Variants in ANO3 observed in about 807,000 individuals in gnomAD.
ANO3 encodes the protein anoctamin-3.
Under a neutral mutation model 144.8 loss-of-function variants are expected in ANO3, and 99 were observed. That is an observed-to-expected ratio of 0.68 (90% CI 0.58 to 0.81). The LOEUF (loss-of-function observed/expected upper bound fraction) is 0.81. Ranked by LOEUF, ANO3 falls within the 30% of genes least tolerant of loss-of-function variation. The probability of loss-of-function intolerance (pLI) is 0.00; values close to 1 mark genes in which losing one functional copy is unlikely to be tolerated. For synonymous variants in ANO3, 414 were observed against 392.6 expected (o/e 1.05, Z -0.64); for missense variants, 905 against 1,202.2 (o/e 0.75, Z 3.66).
Position 26,643,279 on chromosome 11 carries a change from A to T in ANO3, c.2373A>T (p.Ala791=), listed in dbSNP as rs141587028. The T allele has an allele frequency of 3.0e-4, 490 of 1,614,052 alleles. No homozygotes were observed. The highest frequency in any genetic ancestry group is 3.7e-4 in the Non-Finnish European group (442 of 1,180,032). The change falls in exon 23 of 27, where the codon GCA becomes GCT. Residue 791 remains alanine, a synonymous_variant. Coordinates refer to ENST00000256737, the MANE Select transcript of ANO3 (RefSeq NM_031418.4). ...LNNIIEIRLD[A]YKFVTQWRRP... is the part of the protein sequence containing the mutation. ...ATATCATTGAAATCAGGCTGGATGC[A>T]TACAAATTTGTCACTCAATGGCGGA...
At chr11:26,281,495 G>T (rs1285189528) in intron 1 of ANO3, among the ~76,000 whole-genome samples, 1 of 152,066 alleles carries the variant, frequency 6.6e-6, no homozygotes, top group Non-Finnish European at 1.5e-5. Context: ...TGAGGGAGAG[G>T]TTCTTCTTCA....
chr11:26,306,805 T>C (rs1422367940), upstream of ANO3, among the ~76,000 whole-genome samples: 1 of 152,258 alleles, frequency 6.6e-6, no homozygotes, highest in Non-Finnish European at 1.5e-5. Flanking sequence ...GTGTGAGGTC[T>C]CCTAAGTATG....
chr11:26,589,955 A>G (rs1360728023), intron 14 of ANO3, among the ~76,000 whole-genome samples: 1 of 152,220 alleles, frequency 6.6e-6, no homozygotes, highest in Non-Finnish European at 1.5e-5. Flanking sequence ...AGTTTTCACC[A>G]CACACAGAAC....
chr11:26,294,124 C>A (rs756137037), intron 1 of ANO3, among the ~76,000 whole-genome samples: 2 of 152,078 alleles, frequency 1.3e-5, no homozygotes, highest in African/African-American at 4.8e-5. Context: ...AAATAAAATA[C>A]GTTTAAAGGA....
At chr11:26,261,728 G>C (rs1049602458) in intron 1 of ANO3, among the ~76,000 whole-genome samples, 1 of 152,164 alleles carries the variant, frequency 6.6e-6, no homozygotes, top group African/African-American at 2.4e-5. Flanking sequence ...AATAGACTTT[G>C]CCAATTTGAA....
intron 6 of ANO3, among the ~76,000 whole-genome samples, chr11:26,519,467 A>G (rs117717376): frequency 6.6e-6 from 1 of 152,112 alleles, no homozygotes; most frequent in African/African-American, 2.4e-5. Context: ...CAGTGTCTTG[A>G]TTGGTTTGGG....
chr11:26,536,282 G>T (rs1338845911), intron 9 of ANO3, among the ~76,000 whole-genome samples: 1 of 149,608 alleles, frequency 6.7e-6, no homozygotes, highest in Non-Finnish European at 1.5e-5. Flanking sequence ...TCATGCCACT[G>T]CACTCCAGCC....
At chr11:26,190,065 A>G (rs1394329044) in intron 1 of ANO3, among the ~76,000 whole-genome samples, 2 of 152,178 alleles carry the variant, frequency 1.3e-5, no homozygotes, top group African/African-American at 2.4e-5. Context: ...GATATTTTAA[A>G]TGTTGTACTA....
intron 1 of ANO3, among the ~76,000 whole-genome samples, chr11:26,286,828 A>G (rs918987221): frequency 2.6e-5 from 4 of 152,208 alleles, no homozygotes; most frequent in African/African-American, 9.6e-5. Context: ...TTGGAATGTT[A>G]AAACAAACAG....
At chr11:26,458,457 A>G (rs1859250153) in intron 3 of ANO3, among the ~76,000 whole-genome samples, 2 of 152,110 alleles carry the variant, frequency 1.3e-5, no homozygotes, top group Admixed American at 1.3e-4. Context: ...TAGGTAACAC[A>G]ATTTACATTT....
chr11:26,369,353 A>G (rs758842200), intron 1 of ANO3, among the ~76,000 whole-genome samples: 3 of 152,118 alleles, frequency 2.0e-5, no homozygotes, highest in African/African-American at 4.8e-5. Context: ...GATATTTTCT[A>G]ATTTTCAGTG....
rs1849341053 is a variant in ANO3, at chr11:26,530,508, CT to C, written c.738-696del. Among the ~76,000 whole-genome samples the C allele has an allele frequency of 1.1e-4, 15 of 133,508 alleles. No individual in the cohort carries two copies. The South Asian group carries it at 3.2e-3, about 29-fold the overall frequency. The allele number at this position is 133,508 out of a possible 152,430, so 87.6% of individuals were successfully genotyped here. A position where few individuals can be genotyped will look rare whatever the true frequency, so the allele number is the denominator to read the frequency against. On this transcript the variant is annotated intron_variant, in intron 7 of 26. Coordinates refer to ENST00000256737, the MANE Select transcript of ANO3 (RefSeq NM_031418.4). Reference sequence around the variant, plus strand: ...ATCTATCTATCTATCTATCATCTATCTATCTACATGTATACACACACCATTT... The same window carrying C: ...ATCTATCTATCTATCTATCATCTATCATCTACATGTATACACACACCATTT...
At chr11:26,406,958 A>T (rs1020032388) in intron 1 of ANO3, among the ~76,000 whole-genome samples, 5 of 146,562 alleles carry the variant, frequency 3.4e-5, no homozygotes, top group African/African-American at 1.2e-4. Context: ...ATATACATAT[A>T]TATATACACA....
chr11:26,330,697 A>G (rs985931223), upstream of ANO3, among the ~76,000 whole-genome samples: 4 of 152,204 alleles, frequency 2.6e-5, no homozygotes, highest in Admixed American at 2.6e-4. Flanking sequence ...TTTAGTTTAC[A>G]GCTTAGTTTC....
At chr11:26,314,123 C>A (rs1854568263) in intron 1 of ANO3, among the ~76,000 whole-genome samples, 1 of 152,020 alleles carries the variant, frequency 6.6e-6, no homozygotes, top group Non-Finnish European at 1.5e-5. Flanking sequence ...AGAGAGTAGC[C>A]TTTATACCAG....
Position 26,489,254 on chromosome 11 carries a change from G to A in ANO3, c.433-18850G>A, listed in dbSNP as rs556168563. On this transcript the variant is annotated intron_variant, in intron 4 of 26. Coordinates refer to ENST00000256737, the MANE Select transcript of ANO3 (RefSeq NM_031418.4). ...AGCTCAGACTGTGACTTCAGACAGT[G>A]GAAGCCTCAAGCCTTGGCAGCTTCC... Among the ~76,000 whole-genome samples, 498 of 152,296 alleles carry A rather than the reference G, an allele frequency of 3.3e-3. 3 individuals carry two copies. Among genetic ancestry groups the A allele is most frequent in the African/African-American group, 0.011 (470 of 41,560 alleles).
At chr11:26,471,695 C>T (rs1859789558) in intron 4 of ANO3, among the ~76,000 whole-genome samples, 1 of 151,732 alleles carries the variant, frequency 6.6e-6, no homozygotes, top group Non-Finnish European at 1.5e-5. Flanking sequence ...AGACGATTTA[C>T]CTGAGAGAAT....
chr11:26,324,539 C>G (rs1564965126), intron 1 of ANO3, among the ~76,000 whole-genome samples: 1 of 152,168 alleles, frequency 6.6e-6, no homozygotes, highest in African/African-American at 2.4e-5. Flanking sequence ...TAAAAATGAG[C>G]CCAAGCCAAA....
chr11:26,637,300 A>T (rs941230099), intron 20 of ANO3, among the ~76,000 whole-genome samples: 1 of 152,124 alleles, frequency 6.6e-6, no homozygotes, highest in African/African-American at 2.4e-5. Flanking sequence ...TGATCCTATG[A>T]TCATCTTCTT....
Sources: allele counts gnomAD v4.1 joint callset (sites outside exome capture counted in the v4.1 genomes callset), GRCh38; gene constraint gnomAD v4.1.1; transcripts MANE v1.5; gene names NCBI Gene and HGNC (gene_info 2026-07-23, HGNC 2026-07-21).